The following TRHDE variants were observed in gnomAD, a reference collection of about 807,000 sequenced individuals.
TRHDE encodes the protein thyrotropin releasing hormone degrading enzyme, also known as thyrotropin-releasing hormone-degrading ectoenzyme.
TRHDE carries 72 observed loss-of-function variants against 125.7 expected under a neutral mutation model. The ratio of observed to expected loss-of-function variants is 0.57; its 90% CI spans 0.47 to 0.70. The LOEUF is 0.70. TRHDE is among the 30% of genes least tolerant of loss of function. TRHDE has a pLI of 0.00. For synonymous variants in TRHDE, 509 were observed against 509.1 expected (o/e 1.00, Z 0.00); for missense variants, 1,110 against 1,327.1 (o/e 0.84, Z 2.54).
At chr12:72,503,033 A>T (rs146354886) in intron 6 of TRHDE, among the ~76,000 whole-genome samples, 3 of 152,258 alleles carry the variant, frequency 2.0e-5, no homozygotes, top group Non-Finnish European at 4.4e-5. Context: ...AGTAATAACC[A>T]ATTACTTTGT....
rs182481262 is a variant in TRHDE, at chr12:72,274,994, C to A, written c.914+1437C>A. ...AAATGACTGAGGGCAGATGAACAACCAAAGTGAGCTTAAAAATTAAACCAA... is the reference window on the plus strand; with the variant it reads ...AAATGACTGAGGGCAGATGAACAACAAAAGTGAGCTTAAAAATTAAACCAA... On this transcript the variant is annotated intron_variant, in intron 1 of 18. Transcript: ENST00000261180. The A allele has an allele frequency of 2.0e-5, 3 of 152,324 alleles. No individual in the cohort carries two copies. In the East Asian group the frequency reaches 5.8e-4, roughly 29 times the overall value. 9.4% of individuals were successfully genotyped at this position (152,324 alleles called of 1,614,324 possible).
chr12:72,630,411 G>T (rs1297696311), intron 15 of TRHDE, among the ~76,000 whole-genome samples: 1 of 151,496 alleles, frequency 6.6e-6, no homozygotes, highest in Non-Finnish European at 1.5e-5. Context: ...GAGAGGCATG[G>T]GTATATTTTC....
chr12:72,147,275 T>G (rs919434321), intron 2 of TRHDE, among the ~76,000 whole-genome samples: 11 of 152,188 alleles, frequency 7.2e-5, no homozygotes, highest in Admixed American at 4.6e-4. Flanking sequence ...CTCTTGTCCC[T>G]ATCATTACCT....
chr12:72,598,317 A>T (rs1872064860), intron 12 of TRHDE, among the ~76,000 whole-genome samples: 1 of 152,180 alleles, frequency 6.6e-6, no homozygotes, highest in South Asian at 2.1e-4. Flanking sequence ...TACTTGATAA[A>T]CTTCAAGGAG....
intron 1 of TRHDE, among the ~76,000 whole-genome samples, chr12:72,099,922 A>G (rs955949207): frequency 1.3e-5 from 2 of 152,220 alleles, no homozygotes; most frequent in African/African-American, 4.8e-5. Context: ...AAAGGGTACA[A>G]TGTTTCAGAA....
intron 2 of TRHDE, among the ~76,000 whole-genome samples, chr12:72,364,342 T>C (rs930976712): frequency 6.6e-6 from 1 of 152,046 alleles, no homozygotes; most frequent in African/African-American, 2.4e-5. Context: ...CACTTTATAT[T>C]TTTCCTCGAA....
chr12:72,330,267 G>A (rs1869527339), intron 2 of TRHDE, among the ~76,000 whole-genome samples: 1 of 150,948 alleles, frequency 6.6e-6, no homozygotes, highest in Non-Finnish European at 1.5e-5. Flanking sequence ...GGAAACAAAA[G>A]CAACTCTCCC....
intron 2 of TRHDE, among the ~76,000 whole-genome samples, chr12:72,181,348 G>T (rs1417013697): frequency 6.6e-6 from 1 of 152,056 alleles, no homozygotes; most frequent in East Asian, 1.9e-4. Context: ...CGTCTCCAAG[G>T]TCAGTAGAAT....
rs367853065 is a variant in TRHDE, at chr12:72,471,047, T to A, written c.1470+1135T>A. On this transcript the variant is annotated intron_variant, in intron 4 of 18. Coordinates refer to ENST00000261180, the MANE Select transcript of TRHDE (RefSeq NM_013381.3). ...GCCCACACCATGCCCAGCTAATTTTTTATATTTTTAGTAGAGACGGGGTTT... is the reference window on the plus strand; with the variant it reads ...GCCCACACCATGCCCAGCTAATTTTATATATTTTTAGTAGAGACGGGGTTT... Among the ~76,000 whole-genome samples, 6 of 151,982 alleles carry A rather than the reference T, an allele frequency of 3.9e-5. No individual in the cohort carries two copies. The South Asian group carries it at 1.2e-3, about 32-fold the overall frequency.
intron 2 of TRHDE, among the ~76,000 whole-genome samples, chr12:72,204,428 CTT>C (rs768050260): frequency 1.3e-5 from 2 of 152,136 alleles, no homozygotes; most frequent in African/African-American, 2.4e-5. Context: ...TAAATTATCT[CTT>C]TTCTCTTACA....
At chr12:72,636,059 T>C (rs1462375501) in intron 15 of TRHDE, among the ~76,000 whole-genome samples, 1 of 151,286 alleles carries the variant, frequency 6.6e-6, no homozygotes, top group Non-Finnish European at 1.5e-5. Context: ...GGTAGCTTGA[T>C]GGGGATGGCA....
intron 2 of TRHDE, among the ~76,000 whole-genome samples, chr12:72,159,326 A>G (rs1876586679): frequency 6.6e-6 from 1 of 152,244 alleles, no homozygotes; most frequent in South Asian, 2.1e-4. Flanking sequence ...TCAATGATCT[A>G]CTTTGTAGAG....
At chr12:72,571,711 G>A (rs1356579534) in intron 10 of TRHDE, among the ~76,000 whole-genome samples, 1 of 151,984 alleles carries the variant, frequency 6.6e-6, no homozygotes, top group Non-Finnish European at 1.5e-5. Context: ...CAAATGTTAG[G>A]AAAGAAAATA....
chr12:72,098,001 T>C (rs1365749764), intron 1 of TRHDE, among the ~76,000 whole-genome samples: 1 of 152,170 alleles, frequency 6.6e-6, no homozygotes, highest in Non-Finnish European at 1.5e-5. Flanking sequence ...TAAAATGTCA[T>C]GATAATGAAT....
intron 2 of TRHDE, among the ~76,000 whole-genome samples, chr12:72,369,786 A>G (rs1871494178): frequency 6.6e-6 from 1 of 152,150 alleles, no homozygotes; most frequent in African/African-American, 2.4e-5. Context: ...TGTTGGAAGA[A>G]GCTCTGCAGA....
At chr12:72,241,329 TG>T (rs1047397741) in intron 2 of TRHDE, among the ~76,000 whole-genome samples, 17 of 152,308 alleles carry the variant, frequency 1.1e-4, no homozygotes, top group Non-Finnish European at 2.4e-4. Context: ...CCCTAACTCC[TG>T]GGGACTGCTG....
At chr12:72,593,997 G>A (rs1871812282) in intron 12 of TRHDE, among the ~76,000 whole-genome samples, 1 of 152,276 alleles carries the variant, frequency 6.6e-6, no homozygotes, top group Admixed American at 6.5e-5. Flanking sequence ...TGTCTTTATA[G>A]CAGTATGATT....
chr12:72,225,064 G>A (rs1044212585), intron 2 of TRHDE, among the ~76,000 whole-genome samples: 1 of 152,062 alleles, frequency 6.6e-6, no homozygotes, highest in African/African-American at 2.4e-5. Context: ...TTGAAGCATT[G>A]GAGTTCTGCA....
At chr12:72,631,726 G>A (rs996787435) in intron 15 of TRHDE, among the ~76,000 whole-genome samples, 1 of 151,956 alleles carries the variant, frequency 6.6e-6, no homozygotes, top group African/African-American at 2.4e-5. Context: ...CACACAAGTA[G>A]CAAAATTTGT....
Sources: allele counts gnomAD v4.1 joint callset (sites outside exome capture counted in the v4.1 genomes callset), GRCh38; gene constraint gnomAD v4.1.1; transcripts MANE v1.5; gene names NCBI Gene and HGNC (gene_info 2026-07-23, HGNC 2026-07-21).